Variants in NRP1 observed in about 807,000 individuals in gnomAD.
The protein encoded by NRP1 is neuropilin 1, also known as neuropilin-1.
NRP1 carries 35 observed loss-of-function variants against 106.7 expected under a neutral mutation model. That is an observed-to-expected ratio of 0.33 (90% CI 0.25 to 0.43). The LOEUF (loss-of-function observed/expected upper bound fraction) is 0.43. Among genes scored for constraint, NRP1 ranks in the 20% least tolerant of loss-of-function variants. NRP1 has a pLI of 1.00. For missense variants in NRP1, 1,024 were observed against 1,170.4 expected (o/e 0.87, Z 1.83); for synonymous variants, 437 against 417.9 (o/e 1.05, Z -0.56).
chr10:33,304,413 C>T (rs565435936), intron 2 of NRP1, among the ~76,000 whole-genome samples: 2 of 152,206 alleles, frequency 1.3e-5, no homozygotes, highest in South Asian at 2.1e-4. Flanking sequence ...GTCAGTCAAC[C>T]CTGTCCTGTT....
At chr10:33,318,200 T>C (rs1478419573) in intron 2 of NRP1, among the ~76,000 whole-genome samples, 13 of 152,206 alleles carry the variant, frequency 8.5e-5, no homozygotes, top group Admixed American at 8.5e-4. Context: ...GACTCTGATG[T>C]AGGCAACCTG....
At chr10:33,186,820 A>ATAG (rs1836039297) in intron 13 of NRP1, among the ~76,000 whole-genome samples, 1 of 148,020 alleles carries the variant, frequency 6.8e-6, no homozygotes, top group East Asian at 2.0e-4. Flanking sequence ...AAGTCTGTGC[A>ATAG]TAGACTGGAC....
intron 12 of NRP1, chr10:33,194,643 T>G: frequency 2.1e-6 from 1 of 470,482 alleles, no homozygotes; most frequent in Non-Finnish European, 4.4e-6. Flanking sequence ...TTTTTGTATT[T>G]TACTGCTCTT....
intron 2 of NRP1, among the ~76,000 whole-genome samples, chr10:33,274,793 A>G (rs1043814256): frequency 6.6e-6 from 1 of 152,144 alleles, no homozygotes; most frequent in Non-Finnish European, 1.5e-5. Context: ...ACCTCCCCCC[A>G]CTGGCATAGT....
At chr10:33,191,977 CA>C (rs58214479) in intron 13 of NRP1, among the ~76,000 whole-genome samples, 1,263 of 71,676 alleles carry the variant, frequency 0.018, 7 homozygotes, top group East Asian at 0.036. Flanking sequence ...GACTCCATTT[CA>C]AAAAAAAAAA....
intron 6 of NRP1, among the ~76,000 whole-genome samples, chr10:33,250,973 G>A (rs1439971228): frequency 6.6e-6 from 1 of 152,132 alleles, no homozygotes; most frequent in Non-Finnish European, 1.5e-5. Context: ...ATCCAGCAGG[G>A]AGACCCAAGA....
intron 12 of NRP1, among the ~76,000 whole-genome samples, chr10:33,193,884 C>A (rs1253629870): frequency 1.3e-5 from 2 of 152,174 alleles, no homozygotes; most frequent in Admixed American, 1.3e-4. Flanking sequence ...ACCATAAAAA[C>A]TGTCCAAATG....
intron 2 of NRP1, among the ~76,000 whole-genome samples, chr10:33,277,297 C>T (rs530979252): frequency 6.6e-6 from 1 of 152,182 alleles, no homozygotes. Context: ...GGGCTTCCTG[C>T]CAGAGCTGTC....
intron 9 of NRP1, among the ~76,000 whole-genome samples, chr10:33,210,925 T>C (rs1429125803): frequency 6.6e-6 from 1 of 152,214 alleles, no homozygotes; most frequent in Admixed American, 6.5e-5. Context: ...TTTTTCGTCT[T>C]AGAGATTTTA....
At chr10:33,238,986 G>C (rs1033683354) in intron 6 of NRP1, among the ~76,000 whole-genome samples, 2 of 151,638 alleles carry the variant, frequency 1.3e-5, no homozygotes, top group East Asian at 3.9e-4. Context: ...CTTTGAAGGA[G>C]AGAGAGAGTC....
chr10:33,220,619 G>C (rs1839155437), intron 8 of NRP1, among the ~76,000 whole-genome samples: 1 of 152,150 alleles, frequency 6.6e-6, no homozygotes, highest in African/African-American at 2.4e-5. Context: ...GGACAGGCTG[G>C]GCGCGGTGGC....
At chr10:33,280,325 T>A (rs571135455) in intron 2 of NRP1, among the ~76,000 whole-genome samples, 1 of 152,220 alleles carries the variant, frequency 6.6e-6, no homozygotes, top group South Asian at 2.1e-4. Flanking sequence ...TTAAAACAAC[T>A]GTGTTCCAGA....
intron 6 of NRP1, among the ~76,000 whole-genome samples, chr10:33,230,423 TC>T (rs1307092248): frequency 2.0e-5 from 3 of 152,154 alleles, no homozygotes; most frequent in Non-Finnish European, 4.4e-5. Flanking sequence ...TTCTATGCCC[TC>T]CCCTTCTCTG....
intron 1 of NRP1, among the ~76,000 whole-genome samples, chr10:33,333,993 T>C (rs1370249430): frequency 6.6e-6 from 1 of 152,160 alleles, no homozygotes; most frequent in Non-Finnish European, 1.5e-5. Context: ...TCTCTTCTAA[T>C]TGCCTTTGGG....
rs530905838 is a variant in NRP1, at chr10:33,267,547, A to G, written c.430+3128T>C. 3.1e-4 allele frequency among the ~76,000 whole-genome samples: 47 copies of G among 152,284 alleles called. No homozygotes were observed. The South Asian group carries it at 5.4e-3, about 17-fold the overall frequency. On this transcript the variant is annotated intron_variant, in intron 3 of 16. Coordinates refer to ENST00000374867, the MANE Select transcript of NRP1 (RefSeq NM_003873.7). ...GCACAAACTCTCAATCACATAACAT[A>G]TATCAAGTGACCAAGTCTGCCCTCA...
chr10:33,238,266 ATGAAAT>A (rs1840736034), intron 6 of NRP1, among the ~76,000 whole-genome samples: 1 of 152,202 alleles, frequency 6.6e-6, no homozygotes, highest in African/African-American at 2.4e-5. Context: ...AAACCTGTCA[ATGAAAT>A]GGCACAGAAA....
intron 2 of NRP1, among the ~76,000 whole-genome samples, chr10:33,318,366 GCACATCCCTAATT>G (rs1847188729): frequency 6.6e-6 from 1 of 152,100 alleles, no homozygotes; most frequent in African/African-American, 2.4e-5. Context: ...CAATTATAAC[GCACATCCCTAATT>G]CACCAGAACT....
At chr10:33,188,736 G>C (rs1010684224) in intron 13 of NRP1, among the ~76,000 whole-genome samples, 4 of 151,256 alleles carry the variant, frequency 2.6e-5, no homozygotes, top group African/African-American at 7.3e-5. Context: ...AATTAGCCGG[G>C]CGTGGTGGCG....
chr10:33,306,161 C>T (rs1465159601), intron 2 of NRP1, among the ~76,000 whole-genome samples: 1 of 152,090 alleles, frequency 6.6e-6, no homozygotes, highest in Non-Finnish European at 1.5e-5. Context: ...ATCCATTTTT[C>T]CCCCCAACTC....
Sources: allele counts gnomAD v4.1 joint callset (sites outside exome capture counted in the v4.1 genomes callset), GRCh38; gene constraint gnomAD v4.1.1; transcripts MANE v1.5; gene names NCBI Gene and HGNC (gene_info 2026-07-23, HGNC 2026-07-21).